Variants in PPP2R2C observed in about 807,000 individuals in gnomAD.
PPP2R2C encodes protein phosphatase 2 regulatory subunit Bgamma, also known as protein phosphatase 2, regulatory subunit B, gamma.
In PPP2R2C, 10 loss-of-function variants were observed where a neutral mutation model predicts 45.3. The ratio of observed to expected loss-of-function variants is 0.22; its 90% CI spans 0.14 to 0.37. PPP2R2C has a LOEUF of 0.37. Among genes scored for constraint, PPP2R2C ranks in the 10% least tolerant of loss-of-function variants. PPP2R2C has a pLI of 1.00. For synonymous variants in PPP2R2C, 257 were observed against 245.4 expected, an observed-to-expected ratio of 1.05 and a Z score of -0.44; for missense variants, 308 against 619.7, an observed-to-expected ratio of 0.50 and a Z score of 5.34.
intron 1 of PPP2R2C, among the ~76,000 whole-genome samples, chr4:6,389,835 CG>C (rs1346000125): frequency 6.6e-6 from 1 of 152,172 alleles, no homozygotes; most frequent in African/African-American, 2.4e-5. Flanking sequence ...TGCCAACAGC[CG>C]CTCAGCTAGT....
At position 6,321,510 on chromosome 4, in the gene PPP2R2C, C is replaced by T. The variant is rs1731550964; in HGVS notation, c.*1792G>A. 1 of 152,314 alleles carries T rather than the reference C, an allele frequency of 6.6e-6. No homozygotes were observed. 9.4% of individuals were successfully genotyped at this position (152,314 alleles called of 1,614,324 possible). A position where few individuals can be genotyped will look rare whatever the true frequency, so the allele number is the denominator to read the frequency against. On this transcript the variant is annotated 3_prime_UTR_variant, in exon 9 of 9. Transcript: ENST00000382599. ...GTTGATTAAAAAAAAATCAATGATC[C>T]ATTTCCCTGTGTAAATGTTATATGG...
chr4:6,400,243 G>T (rs953058819), intron 1 of PPP2R2C, among the ~76,000 whole-genome samples: 3 of 152,172 alleles, frequency 2.0e-5, no homozygotes, highest in African/African-American at 4.8e-5. Flanking sequence ...CAGACTGAAT[G>T]CAGGAGCTGA....
intron 1 of PPP2R2C, among the ~76,000 whole-genome samples, chr4:6,415,117 G>A (rs1718484678): frequency 6.6e-6 from 1 of 152,260 alleles, no homozygotes. Flanking sequence ...CTGCCTCACA[G>A]TGCATGCGCC....
intron 1 of PPP2R2C, among the ~76,000 whole-genome samples, chr4:6,431,867 G>A (rs984534880): frequency 6.6e-6 from 1 of 152,134 alleles, no homozygotes; most frequent in Non-Finnish European, 1.5e-5. Context: ...TATAACAACA[G>A]CCATTTACAT....
rs146927889 is a variant in PPP2R2C, at chr4:6,497,134, A to C, written c.49+38137T>G. Among the ~76,000 whole-genome samples the C allele has an allele frequency of 6.0e-3, 907 of 152,228 alleles. 12 individuals carry two copies. The highest frequency in any genetic ancestry group is 0.02 in the African/African-American group (825 of 41,526). Reference sequence around the variant, plus strand: ...AGGGAAAAGAGGGAGGAGGCACCCCAACTGAGGAAACAGCACCATGAGCAC... The same window carrying C: ...AGGGAAAAGAGGGAGGAGGCACCCCCACTGAGGAAACAGCACCATGAGCAC... On this transcript the variant is annotated intron_variant, in intron 2 of 9. Coordinates refer to the PPP2R2C transcript ENST00000506140.
rs1335397503 is a variant in PPP2R2C, at chr4:6,323,208, T to C, written c.*94A>G. 6.9e-7 allele frequency: 1 copy of C among 1,445,352 alleles called. No individual in the cohort carries two copies. Among genetic ancestry groups the C allele is most frequent in the Non-Finnish European group, 9.4e-7 (1 of 1,065,870 alleles). 89.5% of individuals were successfully genotyped at this position (1,445,352 alleles called of 1,614,324 possible). On this transcript the variant is annotated 3_prime_UTR_variant, in exon 9 of 9. Transcript: ENST00000382599. ...TCTGCAGCTGTCCTCATCAGTGCTG[T>C]GACTTTCTTCCCCTCCTTGCATTGC...
intron 1 of PPP2R2C, among the ~76,000 whole-genome samples, chr4:6,543,999 G>A (rs77569833): frequency 2.0e-5 from 3 of 152,146 alleles, no homozygotes; most frequent in South Asian, 2.1e-4. Context: ...CATGGAAGAC[G>A]CTCAAGTCCC....
intron 1 of PPP2R2C, among the ~76,000 whole-genome samples, chr4:6,467,785 G>C (rs1721666042): frequency 6.6e-6 from 1 of 152,162 alleles, no homozygotes; most frequent in Non-Finnish European, 1.5e-5. Flanking sequence ...AGGCGGCCTG[G>C]ACATCAGGCC....
rs114654421 is a variant in PPP2R2C, at chr4:6,563,079, G to A, written c.-59+481C>T. ...CGCTGCTGGATGGTACCCGCGGCCG[G>A]GACTGAACTCCGCCGCATTGGGTCT... On this transcript the variant is annotated intron_variant, in intron 1 of 9. Transcript: ENST00000506140. The surrounding 1 kb of genome is among the most constrained non-coding windows in gnomAD (Gnocchi z 5.8). Among the ~76,000 whole-genome samples the A allele has an allele frequency of 5.0e-3, 760 of 152,264 alleles. 9 individuals carry two copies. Among genetic ancestry groups the A allele is most frequent in the African/African-American group, 0.018 (733 of 41,550 alleles).
At chr4:6,389,709 C>T (rs1258551369) in intron 1 of PPP2R2C, among the ~76,000 whole-genome samples, 3 of 152,210 alleles carry the variant, frequency 2.0e-5, no homozygotes, top group South Asian at 4.1e-4. Context: ...AGCCAGGCCC[C>T]AGCTTTAGCA....
chr4:6,449,517 T>C (rs1373190204), intron 1 of PPP2R2C, among the ~76,000 whole-genome samples: 1 of 152,248 alleles, frequency 6.6e-6, no homozygotes, highest in Admixed American at 6.5e-5. Context: ...ACGTGAGACA[T>C]GCGGACCCCC....
intron 5 of PPP2R2C, among the ~76,000 whole-genome samples, chr4:6,371,291 T>C (rs1219471914): frequency 1.3e-5 from 2 of 152,182 alleles, no homozygotes; most frequent in Non-Finnish European, 2.9e-5. Flanking sequence ...TTCCCGCTGT[T>C]TTCCAAGGGT....
chr4:6,397,551 G>T (rs1337680187), intron 1 of PPP2R2C, among the ~76,000 whole-genome samples: 1 of 79,920 alleles, frequency 1.3e-5, no homozygotes, highest in African/African-American at 3.8e-5. Flanking sequence ...CTTGCATGAG[G>T]TTCCAAGAAC....
At chr4:6,397,458 C>T (rs1049595629) in intron 1 of PPP2R2C, among the ~76,000 whole-genome samples, 2 of 152,224 alleles carry the variant, frequency 1.3e-5, no homozygotes, top group African/African-American at 2.4e-5. Flanking sequence ...GGTGAGGGAA[C>T]AGAGGCGGCC....
chr4:6,558,691 C>G (rs1386150125), intron 1 of PPP2R2C, among the ~76,000 whole-genome samples: 2 of 152,044 alleles, frequency 1.3e-5, no homozygotes, highest in African/African-American at 4.8e-5. Flanking sequence ...GGAGTGCCAG[C>G]AAAGAGTGCA....
chr4:6,555,004 G>T (rs964982977), intron 1 of PPP2R2C, among the ~76,000 whole-genome samples: 1 of 151,928 alleles, frequency 6.6e-6, no homozygotes, highest in Non-Finnish European at 1.5e-5. Context: ...GAAGAGAAAA[G>T]AAAAGAAAAA....
chr4:6,510,994 C>T (rs112125201), intron 2 of PPP2R2C, among the ~76,000 whole-genome samples: 1 of 33,256 alleles, frequency 3.0e-5, no homozygotes, highest in Non-Finnish European at 1.3e-4. Context: ...AAAAAACAAA[C>T]AAACAAAAAA....
At position 6,333,582 on chromosome 4, in the gene PPP2R2C, T is replaced by C. The variant is rs1183543693; in HGVS notation, c.940A>G (p.Arg314Gly). Residue 314 changes from arginine (R) to glycine (G), a missense_variant, in exon 7 of 9, where the codon AGA becomes GGA. By Grantham distance (125) the Arg-to-Gly change is moderately radical. Coordinates refer to ENST00000382599, the MANE Select transcript of PPP2R2C (RefSeq NM_020416.4). The part of the protein sequence containing the change: ...VKVWDLNMEA[R>G]PIETYQVHDY... ...CCCACCTGGTAGGTCTCTATGGGTC[T>C]TGCCTCCATGTTCAGGTCCCAGACC... 3 of 1,614,024 alleles carry C rather than the reference T, an allele frequency of 1.9e-6. No homozygotes were observed. Among genetic ancestry groups the C allele is most frequent in the Non-Finnish European group, 1.7e-6 (2 of 1,179,992 alleles).
At chr4:6,348,989 AGGCTGGAT>A (rs1712275212) in intron 5 of PPP2R2C, 5 of 983,968 alleles carry the variant, frequency 5.1e-6, no homozygotes, top group Non-Finnish European at 6.0e-6. Context: ...GTGATTGGTA[AGGCTGGAT>A]TCAGCCTCAC....
Sources: allele counts gnomAD v4.1 joint callset (sites outside exome capture counted in the v4.1 genomes callset), GRCh38; gene constraint gnomAD v4.1.1; non-coding constraint Gnocchi (gnomAD v3.1); transcripts MANE v1.5; gene names NCBI Gene and HGNC (gene_info 2026-07-23, HGNC 2026-07-21).